The following MUSK variants were observed in gnomAD, a reference collection of about 807,000 sequenced individuals.
MUSK encodes the protein muscle associated receptor tyrosine kinase.
In MUSK, 55 loss-of-function variants were observed where a neutral mutation model predicts 88.7. The observed-to-expected ratio is 0.62, with a 90% CI of 0.50 to 0.78. The LOEUF (loss-of-function observed/expected upper bound fraction) is 0.78. Among genes scored for constraint, MUSK ranks in the 30% least tolerant of loss-of-function variants. The pLI, the probability that MUSK is intolerant of heterozygous loss-of-function variation, is 0.00. For synonymous variants in MUSK, 387 were observed against 391.9 expected (o/e 0.99, Z 0.15); for missense variants, 1,015 against 1,074.3 (o/e 0.94, Z 0.77).
intron 5 of MUSK, among the ~76,000 whole-genome samples, chr9:110,716,203 A>G (rs1429587489): frequency 3.3e-5 from 5 of 150,176 alleles, no homozygotes; most frequent in South Asian, 2.1e-4. Flanking sequence ...AAAAACTGCA[A>G]TTACTTTTTT....
intron 7 of MUSK, among the ~76,000 whole-genome samples, chr9:110,758,076 G>C (rs1030688752): frequency 1.3e-5 from 2 of 152,078 alleles, no homozygotes; most frequent in African/African-American, 4.8e-5. Flanking sequence ...AGATCCTCCT[G>C]CCACAGCCTT....
intron 5 of MUSK, chr9:110,706,196 GGCTCATAAA>G: frequency 2.3e-6 from 1 of 429,570 alleles, no homozygotes; most frequent in South Asian, 1.8e-5. Context: ...CAACCATATT[GGCTCATAAA>G]GCTTTCTTTA....
intron 7 of MUSK, among the ~76,000 whole-genome samples, chr9:110,752,693 T>C (rs556777735): frequency 3.9e-5 from 6 of 152,338 alleles, no homozygotes; most frequent in African/African-American, 1.2e-4. Flanking sequence ...AAACTGGAAA[T>C]GGAAAAAGCT....
At chr9:110,761,918 G>A in intron 7 of MUSK, 1 of 985,300 alleles carries the variant, frequency 1.0e-6, no homozygotes, top group Non-Finnish European at 1.2e-6. Flanking sequence ...AGCTAATGGA[G>A]GGAAATTCTG....
Position 110,670,963 on chromosome 9 carries a change from A to G in MUSK, c.79+1980A>G, listed in dbSNP as rs940143868. Among the ~76,000 whole-genome samples, 8 of 151,424 alleles carry G rather than the reference A, an allele frequency of 5.3e-5. No homozygotes were observed. In the East Asian group the frequency reaches 1.5e-3, roughly 29 times the overall value. ...TAGAAAAGAACCACAATAAAATTTTATTATTTTCATTATTATTATTATTAT... is the reference window on the plus strand; with the variant it reads ...TAGAAAAGAACCACAATAAAATTTTGTTATTTTCATTATTATTATTATTAT... On this transcript the variant is annotated intron_variant, in intron 1 of 14. Coordinates refer to ENST00000374448, the MANE Select transcript of MUSK (RefSeq NM_005592.4).
chr9:110,779,377 C>G (rs2077718745), intron 11 of MUSK, among the ~76,000 whole-genome samples: 1 of 152,130 alleles, frequency 6.6e-6, no homozygotes, highest in East Asian at 1.9e-4. Flanking sequence ...AACTGATCTT[C>G]ACTCTATTTC....
At chr9:110,746,654 T>C (rs1422975748) in intron 6 of MUSK, among the ~76,000 whole-genome samples, 1 of 152,184 alleles carries the variant, frequency 6.6e-6, no homozygotes, top group East Asian at 1.9e-4. Flanking sequence ...TTAAGGACAT[T>C]TGATTTTCTG....
intron 6 of MUSK, among the ~76,000 whole-genome samples, chr9:110,736,054 C>G (rs1033926474): frequency 6.6e-6 from 1 of 152,074 alleles, no homozygotes; most frequent in African/African-American, 2.4e-5. Context: ...AATAGCACAA[C>G]AGGACAACTA....
At chr9:110,774,263 C>A (rs1247441890) in intron 9 of MUSK, among the ~76,000 whole-genome samples, 1 of 152,092 alleles carries the variant, frequency 6.6e-6, no homozygotes, top group Non-Finnish European at 1.5e-5. Context: ...TTTCTATTTT[C>A]AATGAAGATT....
At chr9:110,790,475 G>T (rs770621412) in intron 14 of MUSK, among the ~76,000 whole-genome samples, 2 of 152,186 alleles carry the variant, frequency 1.3e-5, no homozygotes, top group African/African-American at 2.4e-5. Flanking sequence ...TTGATGACAG[G>T]GTTGGCAAAT....
At chr9:110,735,970 G>A (rs774256291) in intron 6 of MUSK, among the ~76,000 whole-genome samples, 10 of 152,012 alleles carry the variant, frequency 6.6e-5, no homozygotes, top group African/African-American at 2.2e-4. Context: ...ATCACCCCAC[G>A]CCAGGCCCAA....
At chr9:110,755,931 T>TACATATATATATATATACATATATATA in intron 7 of MUSK, among the ~76,000 whole-genome samples, 1 of 95,556 alleles carries the variant, frequency 1.0e-5, no homozygotes, top group South Asian at 3.7e-4. Context: ...CATATATATA[T>TACATATATATATATATACATATATATA]ACATATATAT....
intron 5 of MUSK, among the ~76,000 whole-genome samples, chr9:110,722,616 C>A (rs36103699): frequency 0.13 from 19,972 of 151,710 alleles, 1,766 homozygotes; most frequent in Non-Finnish European, 0.19. Flanking sequence ...AACAGACAAC[C>A]CCCAGAGTGG....
At position 110,800,766 on chromosome 9, in the gene MUSK, C is replaced by T. The variant is rs778487184; in HGVS notation, c.2388C>T (p.Phe796=). 6.2e-7 allele frequency: 1 copy of T among 1,614,030 alleles called. No individual in the cohort carries two copies. The highest frequency in any genetic ancestry group is 8.5e-7 in the Non-Finnish European group (1 of 1,179,900). ...WAYGVVLWEI[F]SYGLQPYYGM... ...ATGGCGTGGTCCTCTGGGAGATCTT[C>T]TCCTATGGCCTGCAGCCCTACTATG... Residue 796 remains phenylalanine (F), a synonymous_variant, in exon 15 of 15, where the codon TTC becomes TTT. Transcript: ENST00000374448.
rs12682701 is a variant in MUSK at position 110,781,466 on chromosome 9, T to C, written c.1385-3349T>C. Among the ~76,000 whole-genome samples, 1,414 of 152,146 alleles carry C rather than the reference T, an allele frequency of 9.3e-3. 69 individuals are homozygous for C. The highest frequency in any genetic ancestry group is 0.075 in the East Asian group (385 of 5,140). ...TAATTTTTTGTATTTTTAGTAGAGA[T>C]GGGGATTCACCGTGTTAGCCAGGAT... On this transcript the variant is annotated intron_variant, in intron 11 of 14. Coordinates refer to ENST00000374448, the MANE Select transcript of MUSK (RefSeq NM_005592.4).
At chr9:110,776,358 G>A (rs187281111) in intron 10 of MUSK, among the ~76,000 whole-genome samples, 154 of 152,248 alleles carry the variant, frequency 1.0e-3, no homozygotes, top group African/African-American at 3.4e-3. Flanking sequence ...GCTAAAATAA[G>A]ACACATGTTT....
At chr9:110,695,191 T>C (rs377422433) in intron 3 of MUSK, among the ~76,000 whole-genome samples, 1 of 152,172 alleles carries the variant, frequency 6.6e-6, no homozygotes, top group East Asian at 1.9e-4. Flanking sequence ...GCTAGTAAGA[T>C]TCTAATAAAG....
chr9:110,767,466 T>C (rs961637816), intron 8 of MUSK, among the ~76,000 whole-genome samples: 4 of 152,230 alleles, frequency 2.6e-5, no homozygotes, highest in Non-Finnish European at 5.9e-5. Flanking sequence ...CATGATGAAA[T>C]GTCTTCCAGA....
intron 3 of MUSK, among the ~76,000 whole-genome samples, chr9:110,687,885 T>C (rs902102954): frequency 1.3e-5 from 2 of 152,148 alleles, no homozygotes; most frequent in Admixed American, 6.6e-5. Context: ...CTGAAACATT[T>C]ACCCTACACC....
Sources: gnomAD v4.1 joint callset for allele counts (sites outside exome capture counted in the v4.1 genomes callset) on GRCh38, gnomAD v4.1.1 for gene constraint, MANE v1.5 for transcripts, NCBI Gene and HGNC (gene_info 2026-07-23, HGNC 2026-07-21) for gene names.